Variants in UNC79 observed in about 807,000 individuals in gnomAD.
UNC79 encodes the protein protein unc-79 homolog.
A neutral mutation model predicts 283.1 loss-of-function variants in UNC79; 37 were observed. The ratio of observed to expected loss-of-function variants is 0.13; its 90% CI spans 0.10 to 0.17. The LOEUF is 0.17. UNC79 is among the 10% of genes least tolerant of loss of function. The probability of loss-of-function intolerance (pLI) is 1.00; values close to 1 mark genes in which losing one functional copy is unlikely to be tolerated. For synonymous variants in UNC79, 1,107 were observed against 1,200.2 expected (o/e 0.92, Z 1.61); for missense variants, 2,272 against 3,211.1 (o/e 0.71, Z 7.07).
rs773865831 is a variant in UNC79, at chr14:93,529,250, A to T, written c.1053-36A>T. ...ATTCATGTGGAAGGAGAACATTTCA[A>T]TGAAGCTCAAAAATGAATTTTGTTT... is the stretch of plus-strand genomic sequence containing the variant. On this transcript the variant is annotated intron_variant, in intron 9 of 48. Coordinates refer to ENST00000555664, the Ensembl canonical transcript of UNC79. 5 of 1,611,334 alleles carry T rather than the reference A, an allele frequency of 3.1e-6. No homozygotes were observed. In the Admixed American group the frequency reaches 6.7e-5, roughly 22 times the overall value.
intron 35 of UNC79, among the ~76,000 whole-genome samples, chr14:93,651,970 C>T (rs2070331998): frequency 8.0e-6 from 1 of 124,800 alleles, no homozygotes. Flanking sequence ...CTATGTTGGT[C>T]AGGCTGGTCT....
chr14:93,334,844 A>G (rs1343887703), intron 1 of UNC79: 1 of 152,218 alleles, frequency 6.6e-6, no homozygotes, highest in Non-Finnish European at 1.5e-5. Context: ...TATATAGTAT[A>G]TGGGGGATGA....
intron 1 of UNC79, among the ~76,000 whole-genome samples, chr14:93,345,089 A>T (rs1430456617): frequency 1.3e-5 from 2 of 152,188 alleles, no homozygotes; most frequent in Non-Finnish European, 2.9e-5. Context: ...CCTCATGAAT[A>T]GGATTAGTAC....
downstream of UNC79, chr14:93,707,053 C>A: frequency 1.1e-6 from 1 of 916,470 alleles, no homozygotes; most frequent in Non-Finnish European, 1.6e-6. Context: ...CCAGAGAGGG[C>A]CGAAAATGAA....
At chr14:93,415,020 C>G (rs999588826) in intron 1 of UNC79, among the ~76,000 whole-genome samples, 1 of 152,188 alleles carries the variant, frequency 6.6e-6, no homozygotes, top group African/African-American at 2.4e-5. Context: ...ATTTCCTTCT[C>G]CTGCCTGATT....
chr14:93,401,665 A>C (rs950442890), intron 1 of UNC79, among the ~76,000 whole-genome samples: 1 of 152,218 alleles, frequency 6.6e-6, no homozygotes, highest in African/African-American at 2.4e-5. Flanking sequence ...GGATACCTAC[A>C]GCTTAGAACA....
intron 35 of UNC79, 21 bp downstream of exon 38, chr14:93,646,667 C>A (rs757273408): frequency 3.6e-5 from 58 of 1,613,028 alleles, no homozygotes; most frequent in Non-Finnish European, 4.7e-5. Context: ...AACGGGAGCC[C>A]AGATCTCACT....
intron 7 of UNC79, among the ~76,000 whole-genome samples, chr14:93,512,884 G>C (rs1439357694): frequency 2.6e-5 from 4 of 151,900 alleles, no homozygotes; most frequent in Admixed American, 2.6e-4. Context: ...TCTTCCTCTT[G>C]ATTATGGATC....
chr14:93,576,366 C>T (rs1479994142), intron 17 of UNC79, among the ~76,000 whole-genome samples: 1 of 152,054 alleles, frequency 6.6e-6, no homozygotes, highest in African/African-American at 2.4e-5. Flanking sequence ...ATACCCCAAA[C>T]CTCAGCATCA....
At chr14:93,507,343 T>C (rs895742707) in intron 7 of UNC79, among the ~76,000 whole-genome samples, 1 of 152,244 alleles carries the variant, frequency 6.6e-6, no homozygotes, top group African/African-American at 2.4e-5. Context: ...TTACATTTCA[T>C]CCAACAATTT....
intron 7 of UNC79, among the ~76,000 whole-genome samples, chr14:93,500,120 C>A (rs1374465755): frequency 6.6e-6 from 1 of 152,116 alleles, no homozygotes; most frequent in East Asian, 1.9e-4. Context: ...TTTGCCTGTT[C>A]AGAGCATCTC....
chr14:93,480,928 A>T (rs2058098084), intron 4 of UNC79, among the ~76,000 whole-genome samples: 1 of 152,204 alleles, frequency 6.6e-6, no homozygotes, highest in African/African-American at 2.4e-5. Flanking sequence ...GGTGTTCCTA[A>T]TGTCAGATGG....
At chr14:93,445,468 C>T (rs904048881) in intron 1 of UNC79, among the ~76,000 whole-genome samples, 2 of 152,100 alleles carry the variant, frequency 1.3e-5, no homozygotes, top group African/African-American at 2.4e-5. Context: ...CCTATTTGGT[C>T]GTAATGTATT....
At chr14:93,428,196 T>A (rs1196486327), upstream of UNC79, among the ~76,000 whole-genome samples, 1 of 152,156 alleles carries the variant, frequency 6.6e-6, no homozygotes, top group African/African-American at 2.4e-5. Context: ...GGAGGCCACT[T>A]ATTCAGTAAG....
At chr14:93,647,985 G>A (rs1225080315) in intron 35 of UNC79, among the ~76,000 whole-genome samples, 1 of 152,112 alleles carries the variant, frequency 6.6e-6, no homozygotes, top group Non-Finnish European at 1.5e-5. Context: ...GACAGTATGG[G>A]GAAAACCACC....
In UNC79 at chr14:93,357,676, CATATATATATATATATATAT is replaced by C. The variant is rs60284787; in HGVS notation, c.-351+24178_-351+24197del. On this transcript the variant is annotated intron_variant, in intron 1 of 49. Transcript: ENST00000256339. ...GAGTTAATACTACTTAATAAACTCCCATATATATATATATATATATATATATATATATATATATATATATG... is the reference window on the plus strand; with the variant it reads ...GAGTTAATACTACTTAATAAACTCCCATATATATATATATATATATATATG... Among the ~76,000 whole-genome samples the C allele has an allele frequency of 4.9e-3, 157 of 32,364 alleles. 4 individuals are homozygous for C. The highest frequency in any genetic ancestry group is 0.013 in the African/African-American group (113 of 8,942). The allele number at this position is 32,364 out of a possible 152,430, so 21.2% of individuals were successfully genotyped here.
intron 10 of UNC79, among the ~76,000 whole-genome samples, 153 bp from the exon 11 acceptor site, chr14:93,532,397 G>A (rs545662956): frequency 1.6e-4 from 25 of 152,234 alleles, no homozygotes; most frequent in African/African-American, 5.8e-4. Context: ...GAGCCAAGGC[G>A]TTCAAGAGGC....
intron 7 of UNC79, among the ~76,000 whole-genome samples, chr14:93,503,726 A>G (rs1045571477): frequency 2.0e-5 from 3 of 151,978 alleles, no homozygotes; most frequent in East Asian, 1.9e-4. Context: ...TCAGTTATAT[A>G]TGTTGCAAAT....
intron 1 of UNC79, among the ~76,000 whole-genome samples, chr14:93,449,500 C>T (rs941705065): frequency 1.3e-5 from 2 of 151,970 alleles, no homozygotes; most frequent in Non-Finnish European, 2.9e-5. Context: ...TGCCTTTAAT[C>T]CCAGCTACTT....
Sources: gnomAD v4.1 joint callset for allele counts (sites outside exome capture counted in the v4.1 genomes callset) on GRCh38, gnomAD v4.1.1 for gene constraint, MANE v1.5 for transcripts, NCBI Gene and HGNC (gene_info 2026-07-23, HGNC 2026-07-21) for gene names.